Variants in NEK1 observed in about 807,000 individuals in gnomAD.
NEK1 encodes serine/threonine-protein kinase Nek1.
Under a neutral mutation model 182.1 loss-of-function variants are expected in NEK1, and 137 were observed. The ratio of observed to expected loss-of-function variants is 0.75; its 90% CI spans 0.65 to 0.87. The LOEUF is 0.87. NEK1 is among the 40% of genes least tolerant of loss of function. NEK1 has a pLI of 0.00. For synonymous variants in NEK1, 513 were observed against 492.2 expected (o/e 1.04, Z -0.56); for missense variants, 1,391 against 1,494.4 (o/e 0.93, Z 1.14).
chr4:169,558,266 A>G (rs1174727691), intron 16 of NEK1, among the ~76,000 whole-genome samples: 1 of 152,240 alleles, frequency 6.6e-6, no homozygotes, highest in African/African-American at 2.4e-5. Flanking sequence ...ATACTATATG[A>G]GAATACTGAT....
intron 28 of NEK1, among the ~76,000 whole-genome samples, chr4:169,436,041 T>C (rs542532772): frequency 2.0e-5 from 3 of 152,272 alleles, no homozygotes; most frequent in Admixed American, 2.0e-4. Context: ...GCAGCTGGGA[T>C]TACAGGCATG....
chr4:169,530,545 G>C (rs1027055934), intron 19 of NEK1, among the ~76,000 whole-genome samples: 5 of 152,106 alleles, frequency 3.3e-5, no homozygotes, highest in Non-Finnish European at 5.9e-5. Context: ...GCTAAGCCAT[G>C]TTTTGTAGGT....
intron 23 of NEK1, among the ~76,000 whole-genome samples, chr4:169,501,214 T>C (rs1752361421): frequency 6.6e-6 from 1 of 152,172 alleles, no homozygotes; most frequent in Non-Finnish European, 1.5e-5. Flanking sequence ...CTATCCTAAA[T>C]ATGTACATGC....
intron 23 of NEK1, among the ~76,000 whole-genome samples, chr4:169,485,622 T>C (rs920051219): frequency 6.6e-6 from 1 of 152,010 alleles, no homozygotes; most frequent in Non-Finnish European, 1.5e-5. Context: ...AATATAAAGT[T>C]TCATATAAGA....
intron 12 of NEK1, among the ~76,000 whole-genome samples, chr4:169,569,953 A>G (rs1346274744): frequency 1.7e-5 from 2 of 119,810 alleles, no homozygotes; most frequent in Non-Finnish European, 3.6e-5. Flanking sequence ...CTGGCCGCCC[A>G]TCGTCTGGGA....
intron 2 of NEK1, among the ~76,000 whole-genome samples, chr4:169,607,391 A>G (rs1293679415): frequency 6.6e-6 from 1 of 152,228 alleles, no homozygotes; most frequent in Non-Finnish European, 1.5e-5. Context: ...CTAAGAAAAC[A>G]AGATAAAAAG....
intron 2 of NEK1, 50 bp downstream of exon 2, chr4:169,611,970 G>A (rs1017241972): frequency 6.6e-6 from 1 of 152,192 alleles, no homozygotes; most frequent in Admixed American, 6.5e-5. Context: ...TCATTTCCAG[G>A]ATGATTTTTA....
chr4:169,405,321 C>G (rs529526776), intron 32 of NEK1, among the ~76,000 whole-genome samples: 1 of 152,242 alleles, frequency 6.6e-6, no homozygotes, highest in South Asian at 2.1e-4. Context: ...ACAATGCTAT[C>G]TGTCTATTCT....
chr4:169,532,221 TA>T (rs1454086999), intron 19 of NEK1, among the ~76,000 whole-genome samples: 1 of 152,166 alleles, frequency 6.6e-6, no homozygotes, highest in Non-Finnish European at 1.5e-5. Flanking sequence ...GATATACACT[TA>T]GAATTTTATT....
chr4:169,465,394 T>G (rs1744735690), intron 26 of NEK1, among the ~76,000 whole-genome samples: 1 of 152,008 alleles, frequency 6.6e-6, no homozygotes, highest in Non-Finnish European at 1.5e-5. Flanking sequence ...CTCTCTGAGC[T>G]GAGGAGGTGG....
chr4:169,571,128 T>C (rs985673846), intron 12 of NEK1, among the ~76,000 whole-genome samples: 1 of 151,484 alleles, frequency 6.6e-6, no homozygotes, highest in Non-Finnish European at 1.5e-5. Flanking sequence ...TATTGTCCTA[T>C]GACCCTGCCA....
chr4:169,400,836 C>T (rs1731548683), intron 33 of NEK1, among the ~76,000 whole-genome samples, 185 bp from the exon 34 acceptor site: 1 of 151,318 alleles, frequency 6.6e-6, no homozygotes, highest in Non-Finnish European at 1.5e-5. Context: ...ATAAATCTGT[C>T]TAAACAAGAA....
At chr4:169,506,906 G>A in intron 23 of NEK1, 131 bp downstream of exon 23, 1 of 500,248 alleles carries the variant, frequency 2.0e-6, no homozygotes, top group South Asian at 4.0e-5. Context: ...ATGAGAAAGG[G>A]TGAGAGAGAG....
At chr4:169,502,099 G>C (rs72974709) in intron 23 of NEK1, among the ~76,000 whole-genome samples, 14,738 of 151,914 alleles carry the variant, frequency 0.097, 798 homozygotes, top group East Asian at 0.17. Flanking sequence ...GATCCTCAGA[G>C]ACTACTATAA....
intron 2 of NEK1, among the ~76,000 whole-genome samples, chr4:169,611,757 C>G (rs926667017): frequency 9.2e-5 from 14 of 152,164 alleles, no homozygotes; most frequent in Admixed American, 2.6e-4. Flanking sequence ...ATAAGCAATG[C>G]AAATGCTTGC....
At chr4:169,600,815 T>G (rs1770363483) in intron 4 of NEK1, among the ~76,000 whole-genome samples, 1 of 152,222 alleles carries the variant, frequency 6.6e-6, no homozygotes, top group African/African-American at 2.4e-5. Context: ...GATGCTAGCA[T>G]GTATTCTTCT....
chr4:169,484,799 C>T lies in NEK1; in HGVS notation c.2008-5265G>A, dbSNP rs145723678. Among the ~76,000 whole-genome samples, 7 of 152,270 alleles carry T rather than the reference C, an allele frequency of 4.6e-5. No individual in the cohort carries two copies. In the East Asian group the frequency reaches 7.7e-4, roughly 17 times the overall value. Reference sequence around the variant, plus strand: ...TCCTGTGATTTTTCATTGTTTTTATCCTCTCTGAACCTCACAGTTTTTCTC... The same window carrying T: ...TCCTGTGATTTTTCATTGTTTTTATTCTCTCTGAACCTCACAGTTTTTCTC... On this transcript the variant is annotated intron_variant, in intron 23 of 35. Coordinates refer to ENST00000507142, the MANE Select transcript of NEK1 (RefSeq NM_001199397.3).
At chr4:169,480,036 A>G (rs911665166) in intron 23 of NEK1, among the ~76,000 whole-genome samples, 2 of 152,178 alleles carry the variant, frequency 1.3e-5, no homozygotes, top group African/African-American at 4.8e-5. Flanking sequence ...TTGTATTAAC[A>G]TATGTGCTTG....
At chr4:169,483,499 T>C (rs1198507783) in intron 23 of NEK1, among the ~76,000 whole-genome samples, 1 of 152,070 alleles carries the variant, frequency 6.6e-6, no homozygotes, top group East Asian at 1.9e-4. Context: ...TTTATTTTGT[T>C]CAAAAAAGGA....
Sources: allele counts gnomAD v4.1 joint callset (sites outside exome capture counted in the v4.1 genomes callset), GRCh38; gene constraint gnomAD v4.1.1; transcripts MANE v1.5; gene names NCBI Gene and HGNC (gene_info 2026-07-23, HGNC 2026-07-21).